The following PPP2R5A variants were observed in gnomAD, a reference collection of about 807,000 sequenced individuals.
PPP2R5A encodes the protein protein phosphatase 2 regulatory subunit B'alpha, also known as serine/threonine-protein phosphatase 2A 56 kDa regulatory subunit alpha isoform.
PPP2R5A carries 25 observed loss-of-function variants against 64.2 expected under a neutral mutation model. The observed-to-expected ratio is 0.39, with a 90% confidence interval of 0.28 to 0.54. The LOEUF is 0.54. Ranked by LOEUF, PPP2R5A falls within the 20% of genes least tolerant of loss-of-function variation. PPP2R5A has a pLI of 0.67. For synonymous variants in PPP2R5A, 198 were observed against 201.2 expected, an observed-to-expected ratio of 0.98 and a Z score of 0.13; for missense variants, 425 against 576.3, an observed-to-expected ratio of 0.74 and a Z score of 2.69.
At chr1:212,348,955 C>T (rs1444427987) in intron 7 of PPP2R5A, among the ~76,000 whole-genome samples, 2 of 152,060 alleles carry the variant, frequency 1.3e-5, no homozygotes, top group Non-Finnish European at 2.9e-5. Context: ...GAAATTACTA[C>T]TAAAAATGTT....
At chr1:212,358,645 T>G (rs757263408) in intron 11 of PPP2R5A, 41 bp from the exon 12 acceptor site, 3 of 1,412,112 alleles carry the variant, frequency 2.1e-6, no homozygotes, top group Non-Finnish European at 3.0e-6. Flanking sequence ...TCCTCTCTGT[T>G]AGCAGTATCA....
rs1571616350 is a variant in PPP2R5A at position 212,359,198 on chromosome 1, TGCA to T, written c.1328+412_1328+414del. Among the ~76,000 whole-genome samples the T allele has an allele frequency of 2.6e-5, 4 of 152,338 alleles. No homozygotes were observed. The East Asian group carries it at 7.7e-4, about 29-fold the overall frequency. On this transcript the variant is annotated intron_variant, in intron 12 of 12. Transcript: ENST00000261461. ...TTTGTACAATTTGATTTTTTATCCATGCATTTACGAAAATCCTTTTTGTCCACG... is the reference window on the plus strand; with the variant it reads ...TTTGTACAATTTGATTTTTTATCCATTTTACGAAAATCCTTTTTGTCCACG...
chr1:212,316,587 C>CTTTT (rs751228809), intron 1 of PPP2R5A, among the ~76,000 whole-genome samples: 637 of 36,658 alleles, frequency 0.017, 79 homozygotes, highest in African/African-American at 0.048. Context: ...TTGTGGGTGA[C>CTTTT]TTTTTTTTTT....
chr1:212,330,238 A>C (rs557751783), intron 2 of PPP2R5A, among the ~76,000 whole-genome samples: 1 of 152,254 alleles, frequency 6.6e-6, no homozygotes, highest in East Asian at 1.9e-4. Context: ...AAATATAAAA[A>C]TTCAGGCCAG....
At chr1:212,348,827 A>G (rs1305200681) in intron 7 of PPP2R5A, among the ~76,000 whole-genome samples, 1 of 152,140 alleles carries the variant, frequency 6.6e-6, no homozygotes, top group Non-Finnish European at 1.5e-5. Context: ...AGTTAGAGAG[A>G]TTTTGGTCTC....
rs1223034749 is a variant in PPP2R5A at position 212,345,898 on chromosome 1, A to G, written c.669A>G (p.Ala223=). The change falls in exon 5 of 13, where the codon GCA becomes GCG. Residue 223 remains alanine, a synonymous_variant. Transcript: ENST00000261461. The part of the protein sequence containing the change: ...RIYGKFLGLR[A]FIRKQINNIF... The stretch of plus-strand genomic sequence containing the variant: ...ATGGGAAATTTCTTGGATTAAGAGC[A>G]TTCATCAGAAAACAAATTAACAACA... The G allele has an allele frequency of 6.2e-7, 1 of 1,608,942 alleles. No individual in the cohort carries two copies. Among genetic ancestry groups the G allele is most frequent in the Non-Finnish European group, 8.5e-7 (1 of 1,176,894 alleles).
chr1:212,333,554 G>A lies in PPP2R5A; in HGVS notation c.436G>A (p.Glu146Lys). 1.2e-6 allele frequency: 2 copies of A among 1,602,012 alleles called. No homozygotes were observed. Among genetic ancestry groups the A allele is most frequent in the Non-Finnish European group, 1.7e-6 (2 of 1,172,264 alleles). Residue 146 changes from glutamate to lysine, a missense_variant, in exon 3 of 13, where the codon GAA (glutamate) becomes AAA (lysine). Glu to Lys is a moderately conservative substitution (Grantham distance 56). Around this residue, in one of 4 missense-constraint regions of PPP2R5A, gnomAD observed 140 missense variants for 204.4 expected, o/e 0.68. Transcript: ENST00000261461. ...PPSDNPDFDPEEDEPTLEASW... is the reference protein window; with the variant it reads ...PPSDNPDFDPKEDEPTLEASW... ...AAGTGATAATCCAGATTTTGATCCA[G>A]AAGAGGATGAACCCACGCTTGAGGC...
At chr1:212,347,640 A>G (rs1659806848) in intron 6 of PPP2R5A, among the ~76,000 whole-genome samples, 1 of 152,004 alleles carries the variant, frequency 6.6e-6, no homozygotes, top group Non-Finnish European at 1.5e-5. Flanking sequence ...CCCGGGTTCA[A>G]GAGATTCCCC....
chr1:212,315,798 A>G (rs1226927481), intron 1 of PPP2R5A, among the ~76,000 whole-genome samples: 2 of 152,138 alleles, frequency 1.3e-5, no homozygotes, highest in Admixed American at 6.5e-5. Flanking sequence ...GCAAACCTGC[A>G]TTGAGCAAGT....
At chr1:212,307,897 T>C (rs1359417077) in intron 1 of PPP2R5A, among the ~76,000 whole-genome samples, 1 of 152,156 alleles carries the variant, frequency 6.6e-6, no homozygotes, top group African/African-American at 2.4e-5. Flanking sequence ...CAGGCTGGAG[T>C]GCAGTGGCGT....
intron 2 of PPP2R5A, among the ~76,000 whole-genome samples, chr1:212,331,867 A>T (rs1350948194): frequency 6.6e-6 from 1 of 152,184 alleles, no homozygotes; most frequent in Non-Finnish European, 1.5e-5. Context: ...CATAGTAGGT[A>T]TATATTGTTG....
chr1:212,344,493 T>A (rs1327674812), intron 4 of PPP2R5A, among the ~76,000 whole-genome samples: 2 of 152,176 alleles, frequency 1.3e-5, no homozygotes, highest in African/African-American at 4.8e-5. Flanking sequence ...TGTATATAAT[T>A]CAAAACAAAA....
chr1:212,326,997 T>G (rs1659417662), intron 1 of PPP2R5A, among the ~76,000 whole-genome samples: 3 of 152,238 alleles, frequency 2.0e-5, no homozygotes, highest in Admixed American at 6.5e-5. Flanking sequence ...CTACTACGGT[T>G]CAGCAGTACC....
chr1:212,290,444 G>A (rs889890989), intron 1 of PPP2R5A, among the ~76,000 whole-genome samples: 1 of 152,076 alleles, frequency 6.6e-6, no homozygotes, highest in African/African-American at 2.4e-5. Flanking sequence ...TAAGAAAATT[G>A]TTTACAAAAG....
chr1:212,322,699 C>T (rs1338230943), intron 1 of PPP2R5A, among the ~76,000 whole-genome samples: 1 of 152,108 alleles, frequency 6.6e-6, no homozygotes, highest in Non-Finnish European at 1.5e-5. Context: ...AACAAAAGCC[C>T]TTAAATATAG....
chr1:212,304,135 C>T (rs1199416958), intron 1 of PPP2R5A, among the ~76,000 whole-genome samples: 1 of 152,170 alleles, frequency 6.6e-6, no homozygotes, highest in Non-Finnish European at 1.5e-5. Context: ...TCTTCATTTT[C>T]ATTTGTCTCA....
At chr1:212,315,835 T>C (rs913318331) in intron 1 of PPP2R5A, among the ~76,000 whole-genome samples, 10 of 152,232 alleles carry the variant, frequency 6.6e-5, no homozygotes, top group African/African-American at 2.4e-4. Flanking sequence ...TCCAATAGCA[T>C]GTGCTCGCTT....
At chr1:212,316,913 CT>C (rs1659165343) in intron 1 of PPP2R5A, among the ~76,000 whole-genome samples, 1 of 152,062 alleles carries the variant, frequency 6.6e-6, no homozygotes, top group African/African-American at 2.4e-5. Flanking sequence ...TTCTAATTTT[CT>C]TTTGTCTGAA....
chr1:212,357,285 G>GACCATTGTAGCACTGGTATACAA lies in PPP2R5A; in HGVS notation c.1226+1_1226+2insACCATTGTAGCACTGGTATACAA. ...AAATTTCCAAAGAACACTGGAATCC[G>GACCATTGTAGCACTGGTATACAA]TAAGTATCTTTTATATAGGTCGTAT... On this transcript the variant is annotated splice_donor_variant, in intron 11 of 12. Transcript: ENST00000261461. LOFTEE classifies it high-confidence loss of function. 1 of 1,561,972 alleles carries GACCATTGTAGCACTGGTATACAA rather than the reference G, an allele frequency of 6.4e-7. No homozygotes were observed. Among genetic ancestry groups the GACCATTGTAGCACTGGTATACAA allele is most frequent in the Admixed American group, 2.2e-5 (1 of 46,436 alleles).
Sources: gnomAD v4.1 joint callset for allele counts (sites outside exome capture counted in the v4.1 genomes callset) on GRCh38, gnomAD v4.1.1 for gene constraint, gnomAD v4.1.1 regional missense constraint, MANE v1.5 for transcripts, NCBI Gene and HGNC (gene_info 2026-07-23, HGNC 2026-07-21) for gene names.